STAU2: variants seen among roughly 807,000 people sequenced by gnomAD.
STAU2 encodes double-stranded RNA-binding protein Staufen homolog 2.
STAU2 carries 20 observed loss-of-function variants against 65.9 expected under a neutral mutation model. That is an observed-to-expected ratio of 0.30 (90% CI 0.21 to 0.44). The LOEUF is 0.44. Ranked by LOEUF, STAU2 falls within the 20% of genes least tolerant of loss-of-function variation. STAU2 has a pLI of 1.00. For missense variants in STAU2, 558 were observed against 683.9 expected (o/e 0.82, Z 2.05); for synonymous variants, 232 against 233.9 (o/e 0.99, Z 0.07).
chr8:73,481,808 A>G (rs1820648759), intron 13 of STAU2, among the ~76,000 whole-genome samples: 1 of 152,082 alleles, frequency 6.6e-6, no homozygotes, highest in African/African-American at 2.4e-5. Context: ...GTAACCAGTG[A>G]GTTTTGGGGA....
At chr8:73,675,770 A>G (rs1817994309) in intron 5 of STAU2, among the ~76,000 whole-genome samples, 1 of 152,242 alleles carries the variant, frequency 6.6e-6, no homozygotes, top group Admixed American at 6.5e-5. Context: ...TGTTAAGTAC[A>G]TGTAACACAT....
At chr8:73,485,143 T>C (rs76304043) in intron 13 of STAU2, among the ~76,000 whole-genome samples, 31 of 8,444 alleles carry the variant, frequency 3.7e-3, no homozygotes, top group African/African-American at 0.025. Context: ...TCCTTACTCT[T>C]TTTTTTTTTT....
intron 11 of STAU2, among the ~76,000 whole-genome samples, chr8:73,588,564 A>T (rs1735467656): frequency 6.6e-6 from 1 of 152,176 alleles, no homozygotes; most frequent in Non-Finnish European, 1.5e-5. Flanking sequence ...CTCCAATACA[A>T]AACAAAAAAT....
chr8:73,702,665 C>T (rs200828607), intron 4 of STAU2, among the ~76,000 whole-genome samples: 3 of 151,866 alleles, frequency 2.0e-5, no homozygotes, highest in African/African-American at 7.3e-5. Flanking sequence ...AACATATGCA[C>T]CAAACAACAG....
intron 13 of STAU2, among the ~76,000 whole-genome samples, chr8:73,425,089 G>A (rs562893669): frequency 2.0e-5 from 3 of 152,240 alleles, no homozygotes; most frequent in African/African-American, 7.2e-5. Flanking sequence ...GAGCTGTGTG[G>A]CCATCTCCCT....
At chr8:73,645,305 T>C (rs1410200777) in intron 6 of STAU2, among the ~76,000 whole-genome samples, 7 of 152,166 alleles carry the variant, frequency 4.6e-5, no homozygotes, top group Non-Finnish European at 1.0e-4. Context: ...ATTCAATCAA[T>C]GTAATCTATC....
In STAU2 at chr8:73,471,955, G is replaced by C. The variant is rs183589266; in HGVS notation, c.1531-49253C>G. Among the ~76,000 whole-genome samples the C allele has an allele frequency of 1.4e-4, 22 of 152,178 alleles. No individual in the cohort carries two copies. The East Asian group carries it at 4.0e-3, about 28-fold the overall frequency. On this transcript the variant is annotated intron_variant, in intron 13 of 14. Transcript: ENST00000524300. ...GGAGCATTGTACGACAGAACCAGTG[G>C]AAGAGGGACTTTCAGATCCCTTGAA... is the stretch of plus-strand genomic sequence containing the variant.
chr8:73,582,580 G>T (rs949813823), intron 12 of STAU2, among the ~76,000 whole-genome samples, 190 bp downstream of exon 12: 1 of 152,024 alleles, frequency 6.6e-6, no homozygotes, highest in Non-Finnish European at 1.5e-5. Flanking sequence ...ACTGTGTTAA[G>T]TGTATCTGTG....
intron 6 of STAU2, among the ~76,000 whole-genome samples, chr8:73,626,074 T>TACACACACACAC (rs57076627): frequency 2.7e-5 from 4 of 146,062 alleles, no homozygotes; most frequent in African/African-American, 7.5e-5. Context: ...TAAGTACACA[T>TACACACACACAC]ACACACACAC....
chr8:73,692,535 T>C (rs1172271233), intron 4 of STAU2, among the ~76,000 whole-genome samples: 1 of 152,208 alleles, frequency 6.6e-6, no homozygotes, highest in East Asian at 1.9e-4. Context: ...CTATATACTT[T>C]AGAATATCCT....
At chr8:73,503,623 G>A (rs1821883888) in intron 13 of STAU2, among the ~76,000 whole-genome samples, 1 of 151,626 alleles carries the variant, frequency 6.6e-6, no homozygotes, top group South Asian at 2.1e-4. Flanking sequence ...ATGGATAAAT[G>A]AATGACTAGC....
At chr8:73,583,307 G>C (rs1209268204) in intron 11 of STAU2, among the ~76,000 whole-genome samples, 2 of 151,776 alleles carry the variant, frequency 1.3e-5, no homozygotes, top group Admixed American at 6.6e-5. Context: ...CACCACGCCC[G>C]GCTAATTTTT....
At chr8:73,436,160 T>C (rs1468468014) in intron 13 of STAU2, among the ~76,000 whole-genome samples, 2 of 151,894 alleles carry the variant, frequency 1.3e-5, no homozygotes, top group African/African-American at 4.9e-5. Flanking sequence ...GGATTGCATG[T>C]GGGAGGGCTG....
upstream of STAU2, chr8:73,747,435 G>A (rs757709768): frequency 2.6e-6 from 4 of 1,534,776 alleles, no homozygotes; most frequent in Middle Eastern, 1.7e-4. Context: ...GGGGACGCGC[G>A]ACCATCCCGC....
chr8:73,676,407 C>A (rs1003605793), intron 5 of STAU2, among the ~76,000 whole-genome samples: 1 of 152,138 alleles, frequency 6.6e-6, no homozygotes, highest in Non-Finnish European at 1.5e-5. Context: ...ATACATTAAA[C>A]TCGATTCCTG....
At chr8:73,734,915 C>T (rs921382919) in intron 3 of STAU2, among the ~76,000 whole-genome samples, 1 of 152,072 alleles carries the variant, frequency 6.6e-6, no homozygotes, top group Admixed American at 6.6e-5. Flanking sequence ...AAAATCTCAA[C>T]TCTTTCAAGC....
intron 6 of STAU2, among the ~76,000 whole-genome samples, chr8:73,637,498 AAAAAAAAG>A (rs1814626928): frequency 1.4e-5 from 2 of 141,508 alleles, no homozygotes; most frequent in Non-Finnish European, 3.1e-5. Flanking sequence ...AAAAAAAAAA[AAAAAAAAG>A]AAAAGAAAAA....
At chr8:73,627,515 A>T (rs1456044968) in intron 6 of STAU2, among the ~76,000 whole-genome samples, 1 of 152,126 alleles carries the variant, frequency 6.6e-6, no homozygotes, top group Non-Finnish European at 1.5e-5. Context: ...TCTGCCTTAC[A>T]GAGTGCTCTT....
At chr8:73,657,735 C>T (rs1470307388) in intron 6 of STAU2, among the ~76,000 whole-genome samples, 6 of 152,050 alleles carry the variant, frequency 3.9e-5, no homozygotes, top group East Asian at 1.9e-4. Context: ...ATTCAGAGGC[C>T]GGGTACAGTG....
Sources: gnomAD v4.1 joint callset for allele counts (sites outside exome capture counted in the v4.1 genomes callset) on GRCh38, gnomAD v4.1.1 for gene constraint, MANE v1.5 for transcripts, NCBI Gene and HGNC (gene_info 2026-07-23, HGNC 2026-07-21) for gene names.